ASTN2: variants seen among roughly 807,000 people sequenced by gnomAD.
ASTN2 encodes the protein astrotactin-2.
ASTN2 carries 54 observed loss-of-function variants against 139.8 expected under a neutral mutation model. The ratio of observed to expected loss-of-function variants is 0.39; its 90% CI spans 0.31 to 0.48. The LOEUF (loss-of-function observed/expected upper bound fraction) is 0.48, where lower values mean the gene tolerates loss of function less well. Among genes scored for constraint, ASTN2 ranks in the 20% least tolerant of loss-of-function variants. ASTN2 has a pLI of 0.95. For synonymous variants in ASTN2, 756 were observed against 719.5 expected (o/e 1.05, Z -0.81); for missense variants, 1,565 against 1,725.1 (o/e 0.91, Z 1.64).
intron 13 of ASTN2, among the ~76,000 whole-genome samples, chr9:116,766,071 A>G (rs567279284): frequency 1.3e-5 from 2 of 152,266 alleles, no homozygotes; most frequent in South Asian, 2.1e-4. Context: ...TAAGGTGTTT[A>G]AAAGAGAGCC....
At chr9:117,232,558 C>T (rs935933757) in intron 2 of ASTN2, among the ~76,000 whole-genome samples, 1 of 152,148 alleles carries the variant, frequency 6.6e-6, no homozygotes, top group African/African-American at 2.4e-5. Context: ...CCATTTTTGC[C>T]AAGTCCTCCA....
In ASTN2 at chr9:117,179,237, T is replaced by C. The variant is rs192882259; in HGVS notation, c.1015+35121A>G. The stretch of plus-strand genomic sequence containing the variant: ...CTACTTTGGGAAGGACAAGACTATA[T>C]ATGTACACAGCATATGTATGTATGC... On this transcript the variant is annotated intron_variant, in intron 3 of 22. Coordinates refer to ENST00000313400, the MANE Select transcript of ASTN2 (RefSeq NM_001365068.1). Among the ~76,000 whole-genome samples, 20 of 152,324 alleles carry C rather than the reference T, an allele frequency of 1.3e-4. No individual in the cohort carries two copies. The East Asian group carries it at 3.9e-3, about 29-fold the overall frequency.
intron 16 of ASTN2, among the ~76,000 whole-genome samples, chr9:116,694,451 T>C (rs1860730837): frequency 7.7e-6 from 1 of 129,254 alleles, no homozygotes; most frequent in South Asian, 2.8e-4. Flanking sequence ...TCCTGAGTTG[T>C]AATTTCTCTT....
intron 6 of ASTN2, among the ~76,000 whole-genome samples, chr9:117,020,400 G>C (rs1474374421): frequency 4.6e-5 from 7 of 151,756 alleles, no homozygotes; most frequent in Non-Finnish European, 1.0e-4. Context: ...TGTTGGAAGA[G>C]TCTGAGGCAC....
At chr9:116,899,802 C>A (rs1833962953) in intron 10 of ASTN2, among the ~76,000 whole-genome samples, 1 of 152,158 alleles carries the variant, frequency 6.6e-6, no homozygotes, top group African/African-American at 2.4e-5. Context: ...GGATTCCTAA[C>A]CTCCCCAACT....
rs1429357380 is a variant in ASTN2, at chr9:116,699,166, TCA to T, written c.2806+26603_2806+26604del. Reference sequence around the variant, plus strand: ...AGCCAGCTGAGCAAACCATGGGGTATCACAGCCTTGCCATCTGGCCAGTTTGT... The same window carrying T: ...AGCCAGCTGAGCAAACCATGGGGTATCAGCCTTGCCATCTGGCCAGTTTGT... On this transcript the variant is annotated intron_variant, in intron 16 of 22. Transcript: ENST00000313400. This position sits in a 1 kb window ranked among gnomAD's most constrained non-coding sequence, Gnocchi z 4.2. 1 of 1,614,232 alleles carries T rather than the reference TCA, an allele frequency of 6.2e-7. No homozygotes were observed. The highest frequency in any genetic ancestry group is 8.5e-7 in the Non-Finnish European group (1 of 1,180,040).
chr9:116,681,823 T>C (rs113653206), intron 16 of ASTN2, among the ~76,000 whole-genome samples: 4 of 151,844 alleles, frequency 2.6e-5, no homozygotes, highest in Admixed American at 6.6e-5. Flanking sequence ...GCTAGCCATA[T>C]GTAGAAAGCT....
chr9:116,441,855 GATT>G (rs1806476597), intron 21 of ASTN2, among the ~76,000 whole-genome samples: 1 of 152,184 alleles, frequency 6.6e-6, no homozygotes, highest in South Asian at 2.1e-4. Context: ...CTGATTGACT[GATT>G]ATATTTTTTC....
intron 6 of ASTN2, among the ~76,000 whole-genome samples, chr9:117,033,114 A>G (rs1326885764): frequency 6.6e-6 from 1 of 152,196 alleles, no homozygotes; most frequent in African/African-American, 2.4e-5. Flanking sequence ...CTCTGTGTGA[A>G]GTACTAAGGA....
At chr9:117,298,910 G>A (rs1301171233) in intron 1 of ASTN2, among the ~76,000 whole-genome samples, 2 of 151,984 alleles carry the variant, frequency 1.3e-5, no homozygotes, top group African/African-American at 4.8e-5. Flanking sequence ...AGTCAGATGA[G>A]TGTTTCCAGA....
chr9:116,719,957 T>A (rs748706986), intron 16 of ASTN2, among the ~76,000 whole-genome samples: 12 of 152,174 alleles, frequency 7.9e-5, no homozygotes, highest in Non-Finnish European at 1.3e-4. Context: ...AACCAAGACC[T>A]TGCAGGTCTC....
chr9:116,440,816 C>G (rs190781720), intron 21 of ASTN2, 24 bp from the exon 22 acceptor site: 83 of 1,603,396 alleles, frequency 5.2e-5, no homozygotes, highest in Non-Finnish European at 6.3e-5. Flanking sequence ...AGGGCAGAAA[C>G]AGATCACTGG....
intron 1 of ASTN2, among the ~76,000 whole-genome samples, chr9:117,314,254 G>C (rs1828064038): frequency 6.6e-6 from 1 of 151,118 alleles, no homozygotes; most frequent in Non-Finnish European, 1.5e-5. Context: ...TTTGCATGAA[G>C]TGACATATAG....
intron 11 of ASTN2, among the ~76,000 whole-genome samples, chr9:116,851,528 A>C (rs540415576): frequency 4.6e-5 from 7 of 152,134 alleles, no homozygotes; most frequent in South Asian, 2.1e-4. Context: ...TTATCTATCT[A>C]TCTTATAGTA....
chr9:116,936,943 T>C (rs1280447844), intron 10 of ASTN2, among the ~76,000 whole-genome samples: 4 of 152,178 alleles, frequency 2.6e-5, no homozygotes, highest in Middle Eastern at 3.2e-3. Context: ...ATGGGAAACA[T>C]AGGACTCTAG....
chr9:117,193,799 C>G (rs1831415068), intron 3 of ASTN2, among the ~76,000 whole-genome samples: 1 of 152,126 alleles, frequency 6.6e-6, no homozygotes, highest in Non-Finnish European at 1.5e-5. Context: ...TTCCCCTTGC[C>G]CTGCACGTGC....
At chr9:116,854,745 G>A (rs1257195485) in intron 11 of ASTN2, among the ~76,000 whole-genome samples, 7 of 149,698 alleles carry the variant, frequency 4.7e-5, no homozygotes, top group Non-Finnish European at 5.9e-5. Flanking sequence ...TCCGCCTCCC[G>A]GGTTCACGCC....
intron 13 of ASTN2, among the ~76,000 whole-genome samples, chr9:116,737,376 G>A (rs1828955988): frequency 6.6e-6 from 1 of 152,186 alleles, no homozygotes; most frequent in Non-Finnish European, 1.5e-5. Context: ...ACCCACCTGG[G>A]AGAGGCGACC....
chr9:116,425,769 C>A lies in ASTN2; in HGVS notation c.*82G>T. The stretch of plus-strand genomic sequence containing the variant: ...GGCCCATCCTCAGCTGTCCCCCAGC[C>A]CACCCAGGCCCCAGGATCCAGGAGA... On this transcript the variant is annotated 3_prime_UTR_variant, in exon 23 of 23. Transcript: ENST00000313400. 2 of 1,606,038 alleles carry A rather than the reference C, an allele frequency of 1.2e-6. No homozygotes were observed.
Sources: gnomAD v4.1 joint callset for allele counts (sites outside exome capture counted in the v4.1 genomes callset) on GRCh38, gnomAD v4.1.1 for gene constraint, Gnocchi (gnomAD v3.1) non-coding constraint, MANE v1.5 for transcripts, NCBI Gene and HGNC (gene_info 2026-07-23, HGNC 2026-07-21) for gene names.